The following SPSB1 variants were observed in gnomAD, a reference collection of about 807,000 sequenced individuals.
The protein encoded by SPSB1 is splA/ryanodine receptor domain and SOCS box containing 1, also known as SPRY domain-containing SOCS box protein 1.
A neutral mutation model predicts 21.2 loss-of-function variants in SPSB1; 8 were observed. The observed-to-expected ratio is 0.38, with a 90% confidence interval of 0.22 to 0.68. The LOEUF (loss-of-function observed/expected upper bound fraction) is 0.68. Ranked by LOEUF, SPSB1 falls within the 30% of genes least tolerant of loss-of-function variation. The pLI, the probability that SPSB1 is intolerant of heterozygous loss-of-function variation, is 0.53. For synonymous variants in SPSB1, 169 were observed against 161.7 expected (o/e 1.05, Z -0.34); for missense variants, 242 against 377.8 (o/e 0.64, Z 2.98).
intron 2 of SPSB1, among the ~76,000 whole-genome samples, chr1:9,357,869 G>A (rs544088318): frequency 6.6e-6 from 1 of 152,284 alleles, no homozygotes; most frequent in East Asian, 1.9e-4. Context: ...TTCCTTGCCT[G>A]CATGAGTCCC....
Position 9,367,557 on chromosome 1 carries a change from C to T in SPSB1, c.804C>T (p.Ala268=). Reference sequence around the variant, plus strand: ...TGCCGCTGCCGGCTTCCCTCAAGGCCTACCTCCTCTACCAGTGACGTTCGC... The same window carrying T: ...TGCCGCTGCCGGCTTCCCTCAAGGCTTACCTCCTCTACCAGTGACGTTCGC... The part of the protein sequence containing the change: ...HTLPLPASLK[A]YLLYQ Residue 268 remains alanine, a synonymous_variant, in exon 3 of 3, where the codon GCC becomes GCT. Coordinates refer to ENST00000328089, the MANE Select transcript of SPSB1 (RefSeq NM_025106.4). The surrounding 1 kb of genome is among the most constrained non-coding windows in gnomAD (Gnocchi z 5.9). 6 of 1,610,832 alleles carry T rather than the reference C, an allele frequency of 3.7e-6. No individual in the cohort carries two copies. The highest frequency in any genetic ancestry group is 3.4e-6 in the Non-Finnish European group (4 of 1,178,078).
In SPSB1 at chr1:9,345,223, G is replaced by A. The variant is rs955311416; in HGVS notation, c.-149-10520G>A. On this transcript the variant is annotated intron_variant, in intron 1 of 2. Transcript: ENST00000328089. The surrounding 1 kb of genome is among the most constrained non-coding windows in gnomAD (Gnocchi z 4.8). ...CAAGCCCCCGTCTCCTGCCTTCTGG[G>A]GAGCTGCTGGGGGTTGGAGGGCAAA... Among the ~76,000 whole-genome samples the A allele has an allele frequency of 5.3e-5, 8 of 152,160 alleles. No homozygotes were observed. The highest frequency in any genetic ancestry group is 1.7e-4 in the African/African-American group (7 of 41,436).
chr1:9,354,382 C>T (rs369785692), intron 1 of SPSB1, among the ~76,000 whole-genome samples: 1 of 152,186 alleles, frequency 6.6e-6, no homozygotes, highest in African/African-American at 2.4e-5. Flanking sequence ...CGGGAGCCTG[C>T]CTTGCCCCTG....
rs201092066 is a variant in SPSB1 at position 9,321,439 on chromosome 1, G to A, written c.-150+28368G>A. On this transcript the variant is annotated intron_variant, in intron 1 of 2. Transcript: ENST00000328089. The surrounding 1 kb of genome is among the most constrained non-coding windows in gnomAD (Gnocchi z 4.8). Reference sequence around the variant, plus strand: ...GATTTTACGGAACTTGTCCTGACCCGTTATTCGTCACCTTGGTGCCCGATA... The same window carrying A: ...GATTTTACGGAACTTGTCCTGACCCATTATTCGTCACCTTGGTGCCCGATA... Among the ~76,000 whole-genome samples, 1 of 152,174 alleles carries A rather than the reference G, an allele frequency of 6.6e-6. No individual in the cohort carries two copies. Among genetic ancestry groups the A allele is most frequent in the Non-Finnish European group, 1.5e-5 (1 of 68,044 alleles).
intron 1 of SPSB1, among the ~76,000 whole-genome samples, chr1:9,296,629 TAC>T (rs749521220): frequency 2.2e-4 from 34 of 152,336 alleles, no homozygotes; most frequent in South Asian, 1.9e-3. Flanking sequence ...TATGCACACA[TAC>T]ACACACACGC....
At chr1:9,366,271 G>GA (rs1259125945) in intron 2 of SPSB1, among the ~76,000 whole-genome samples, 1 of 152,248 alleles carries the variant, frequency 6.6e-6, no homozygotes, top group Non-Finnish European at 1.5e-5. Flanking sequence ...GGGATCAGCT[G>GA]AAACTGGGCT....
At chr1:9,320,366 C>T (rs1478077735) in intron 1 of SPSB1, among the ~76,000 whole-genome samples, 3 of 152,290 alleles carry the variant, frequency 2.0e-5, no homozygotes, top group South Asian at 4.1e-4. Flanking sequence ...TGAAAGCTCC[C>T]GGGGACTTTG....
rs560759266 is a variant in SPSB1, at chr1:9,311,729, C to T, written c.-150+18658C>T. On this transcript the variant is annotated intron_variant, in intron 1 of 2. Transcript: ENST00000328089. Reference sequence around the variant, plus strand: ...CCAGGATGTTTCTGCCGGGGGTTGCCGAGTGGTAGACGTGAAACGTGGCTT... The same window carrying T: ...CCAGGATGTTTCTGCCGGGGGTTGCTGAGTGGTAGACGTGAAACGTGGCTT... Among the ~76,000 whole-genome samples the T allele has an allele frequency of 7.9e-5, 12 of 152,088 alleles. No individual in the cohort carries two copies. In the East Asian group the frequency reaches 9.6e-4, roughly 12 times the overall value.
chr1:9,309,331 T>TGTGA (rs1239736272), intron 1 of SPSB1, among the ~76,000 whole-genome samples: 3 of 125,368 alleles, frequency 2.4e-5, no homozygotes, highest in Non-Finnish European at 3.5e-5. Flanking sequence ...TGTGTGTGTG[T>TGTGA]GTGAGTGACA....
At chr1:9,297,372 C>G (rs1639243044) in intron 1 of SPSB1, among the ~76,000 whole-genome samples, 1 of 152,090 alleles carries the variant, frequency 6.6e-6, no homozygotes, top group Non-Finnish European at 1.5e-5. Context: ...AAAAACCTAC[C>G]TGTGACAAGG....
rs993420963 is a variant in SPSB1 at position 9,369,111 on chromosome 1, T to A, written c.*1536T>A. ...ACAGCTGCTGTAGAGTACCTTTTTT[T>A]AAGTAAATCTTACAGTGGAGTATAT... is the stretch of plus-strand genomic sequence containing the variant. On this transcript the variant is annotated 3_prime_UTR_variant, in exon 3 of 3. Transcript: ENST00000328089. 1 of 152,616 alleles carries A rather than the reference T, an allele frequency of 6.6e-6. No homozygotes were observed. Among genetic ancestry groups the A allele is most frequent in the African/African-American group, 2.4e-5 (1 of 41,442 alleles). The allele number at this position is 152,616 out of a possible 1,614,324, so 9.5% of individuals were successfully genotyped here.
At chr1:9,315,720 T>TG (rs978099322) in intron 1 of SPSB1, among the ~76,000 whole-genome samples, 80 of 152,254 alleles carry the variant, frequency 5.3e-4, no homozygotes, top group African/African-American at 1.8e-3. Context: ...GGGGAGTTGG[T>TG]GGGGGGCCTC....
chr1:9,365,080 C>T (rs527645258), intron 2 of SPSB1, among the ~76,000 whole-genome samples: 53 of 152,340 alleles, frequency 3.5e-4, no homozygotes, highest in African/African-American at 1.2e-3. Flanking sequence ...TGGTCTTGAA[C>T]TCCTGCCCTC....
At chr1:9,339,045 A>G (rs1394660190) in intron 1 of SPSB1, among the ~76,000 whole-genome samples, 1 of 152,084 alleles carries the variant, frequency 6.6e-6, no homozygotes, top group Non-Finnish European at 1.5e-5. Context: ...GGCCAGTGGT[A>G]ACCAAGGGCC....
Position 9,295,755 on chromosome 1 carries a change from G to A in SPSB1, c.-150+2684G>A, listed in dbSNP as rs556074466. Among the ~76,000 whole-genome samples the A allele has an allele frequency of 5.2e-4, 79 of 152,300 alleles. 1 individual carries two copies. The highest frequency in any genetic ancestry group is 8.1e-4 in the Non-Finnish European group (55 of 68,030). On this transcript the variant is annotated intron_variant, in intron 1 of 2. Transcript: ENST00000328089. ...GGTGGATGGAAACTTGCCTGCAGAC[G>A]CATTTTCAAATTCAGCGAAACCTCT...
chr1:9,332,879 G>A (rs1639945312), intron 1 of SPSB1, among the ~76,000 whole-genome samples: 1 of 152,216 alleles, frequency 6.6e-6, no homozygotes, highest in Admixed American at 6.5e-5. Flanking sequence ...TGCTTCTGCA[G>A]CCTGAGTGCG....
chr1:9,363,449 T>G lies in SPSB1; in HGVS notation c.695-3999T>G, dbSNP rs1164365336. Among the ~76,000 whole-genome samples, 1 of 152,174 alleles carries G rather than the reference T, an allele frequency of 6.6e-6. No individual in the cohort carries two copies. The highest frequency in any genetic ancestry group is 1.5e-5 in the Non-Finnish European group (1 of 68,040). The stretch of plus-strand genomic sequence containing the variant: ...TGGCAAGTCCTCTACCCCACACAGC[T>G]GCGTTCACAGGGGATGGATTGTGGC... On this transcript the variant is annotated intron_variant, in intron 2 of 2. Transcript: ENST00000328089. The surrounding 1 kb of genome is among the most constrained non-coding windows in gnomAD (Gnocchi z 4.5).
At position 9,355,924 on chromosome 1, in the gene SPSB1, T is replaced by A. The variant is rs769040914; in HGVS notation, c.33T>A (p.Thr11=). 2 of 1,603,556 alleles carry A rather than the reference T, an allele frequency of 1.2e-6. No individual in the cohort carries two copies. The highest frequency in any genetic ancestry group is 2.7e-5 in the African/African-American group (2 of 74,592). MGQKVTGGIK[T]VDMRDPTYRP... ...AGAAGGTCACTGGAGGGATCAAGACTGTGGACATGAGGGACCCCACGTACA... is the reference window on the plus strand; with the variant it reads ...AGAAGGTCACTGGAGGGATCAAGACAGTGGACATGAGGGACCCCACGTACA... The change falls in exon 2 of 3, where the codon ACT becomes ACA. Residue 11 remains threonine, a synonymous_variant. Transcript: ENST00000328089.
At chr1:9,350,409 G>A (rs962340843) in intron 1 of SPSB1, among the ~76,000 whole-genome samples, 2 of 152,242 alleles carry the variant, frequency 1.3e-5, no homozygotes, top group South Asian at 4.1e-4. Flanking sequence ...TCCTGGGGAC[G>A]TGGTGACTAA....
Sources: allele counts gnomAD v4.1 joint callset (sites outside exome capture counted in the v4.1 genomes callset), GRCh38; gene constraint gnomAD v4.1.1; non-coding constraint Gnocchi (gnomAD v3.1); transcripts MANE v1.5; gene names NCBI Gene and HGNC (gene_info 2026-07-23, HGNC 2026-07-21).